SOX17: variants seen among roughly 807,000 people sequenced by gnomAD.
SOX17 encodes transcription factor SOX-17.
In SOX17, 4 loss-of-function variants were observed where a neutral mutation model predicts 16.0. The ratio of observed to expected loss-of-function variants is 0.25; its 90% CI spans 0.12 to 0.57. The LOEUF (loss-of-function observed/expected upper bound fraction) is 0.57. SOX17 is among the 20% of genes least tolerant of loss of function. The probability of loss-of-function intolerance (pLI) is 0.92; values close to 1 mark genes in which losing one functional copy is unlikely to be tolerated. For missense variants in SOX17, 633 were observed against 609.7 expected (o/e 1.04, Z -0.40); for synonymous variants, 357 against 284.6 (o/e 1.25, Z -2.56).
Position 54,460,777 on chromosome 8 carries a change from A to G in SOX17, c.*782A>G, listed in dbSNP as rs111351766. The G allele has an allele frequency of 5.9e-3, 1,347 of 227,980 alleles. 8 individuals are homozygous for G. The highest frequency in any genetic ancestry group is 0.026 in the Middle Eastern group (20 of 758). 14.1% of individuals were successfully genotyped at this position (227,980 alleles called of 1,614,324 possible). On this transcript the variant is annotated 3_prime_UTR_variant, in exon 2 of 2. Coordinates refer to ENST00000297316, the MANE Select transcript of SOX17 (RefSeq NM_022454.4). ...CATCTCTTTACACTCCTCGACATTC[A>G]GTTTACCTTAATCTTCACATTTTTA...
Position 54,459,685 on chromosome 8 carries a change from A to T in SOX17, c.935A>T (p.Gln312Leu). ...GGGGCGGGCGGCGGGCGCGGCTTCC[A>T]GATGCAGCCGCAACACCAGCACCAG... is the stretch of plus-strand genomic sequence containing the variant. ...SPGAGGGRGF[Q>L]MQPQHQHQHQ... Residue 312 changes from glutamine (Q) to leucine (L), a missense_variant, in exon 2 of 2, where the codon CAG becomes CTG. Gln to Leu is a moderately radical substitution (Grantham distance 113, BLOSUM62 -2). This residue lies in a region of SOX17 where 479 missense variants were observed against 397.2 expected (regional missense o/e 1.21). Transcript: ENST00000297316. 1 of 1,539,252 alleles carries T rather than the reference A, an allele frequency of 6.5e-7. No homozygotes were observed. The highest frequency in any genetic ancestry group is 8.7e-7 in the Non-Finnish European group (1 of 1,147,064).
chr8:54,458,928 T>A, intron 1 of SOX17, 130 bp from the exon 2 acceptor site: 4 of 801,444 alleles, frequency 5.0e-6, no homozygotes, highest in Non-Finnish European at 7.5e-6. Context: ...TCTCCCTCTT[T>A]AACTTCACCC....
rs1275383718 is a variant in SOX17, at chr8:54,460,666, T to C, written c.*671T>C. Reference sequence around the variant, plus strand: ...ATATCACTTTAAGTAGAAGGGGATGTCCAAGTAATTTTGGTTTTCTAACTG... The same window carrying C: ...ATATCACTTTAAGTAGAAGGGGATGCCCAAGTAATTTTGGTTTTCTAACTG... On this transcript the variant is annotated 3_prime_UTR_variant, in exon 2 of 2. Coordinates refer to ENST00000297316, the MANE Select transcript of SOX17 (RefSeq NM_022454.4). The C allele has an allele frequency of 4.3e-6, 1 of 230,382 alleles. No homozygotes were observed. Among genetic ancestry groups the C allele is most frequent in the Non-Finnish European group, 8.6e-6 (1 of 116,436 alleles). The allele number at this position is 230,382 out of a possible 1,614,324, so 14.3% of individuals were successfully genotyped here. A position where few individuals can be genotyped will look rare whatever the true frequency, so the allele number is the denominator to read the frequency against.
rs1367127921 is a variant in SOX17, at chr8:54,459,644, C to T, written c.894C>T (p.Gly298=). The change falls in exon 2 of 2, where the codon GGC becomes GGT. Residue 298 remains glycine (G), a synonymous_variant. Transcript: ENST00000297316. ...CCAGCGCCCTTCACGTGTACTACGGCGCGATGGGCTCGCCCGGGGCGGGCG... is the reference window on the plus strand; with the variant it reads ...CCAGCGCCCTTCACGTGTACTACGGTGCGATGGGCTCGCCCGGGGCGGGCG... ...APPSALHVYY[G]AMGSPGAGGG... is the part of the protein sequence containing the mutation. 8 of 1,537,068 alleles carry T rather than the reference C, an allele frequency of 5.2e-6. No homozygotes were observed. Among genetic ancestry groups the T allele is most frequent in the Non-Finnish European group, 7.0e-6 (8 of 1,146,470 alleles).
rs1207318982 is a variant in SOX17 at position 54,460,387 on chromosome 8, A to G, written c.*392A>G. 2.7e-6 allele frequency: 1 copy of G among 372,756 alleles called. No individual in the cohort carries two copies. The highest frequency in any genetic ancestry group is 4.6e-5 in the East Asian group (1 of 21,944). 23.1% of individuals were successfully genotyped at this position (372,756 alleles called of 1,614,324 possible). A position where few individuals can be genotyped will look rare whatever the true frequency, so the allele number is the denominator to read the frequency against. On this transcript the variant is annotated 3_prime_UTR_variant, in exon 2 of 2. Transcript: ENST00000297316. ...TGGAATCCTGCTTTTTTGCTCTACT[A>G]GTACCTCTGTCACACTAGTCTTATC... is the stretch of plus-strand genomic sequence containing the variant.
chr8:54,460,630 T>G lies in SOX17; in HGVS notation c.*635T>G, dbSNP rs1804727861. ...TTTCTAAAACTAACAGTTAATATTT[T>G]CAATTCCAGTATATCACTTTAAGTA... On this transcript the variant is annotated 3_prime_UTR_variant, in exon 2 of 2. Transcript: ENST00000297316. 8.6e-6 allele frequency: 2 copies of G among 232,474 alleles called. No individual in the cohort carries two copies. Among genetic ancestry groups the G allele is most frequent in the Non-Finnish European group, 1.7e-5 (2 of 117,848 alleles). 14.4% of individuals were successfully genotyped at this position (232,474 alleles called of 1,614,324 possible).
At position 54,460,664 on chromosome 8, in the gene SOX17, T is replaced by C; in HGVS notation, c.*669T>C. The C allele has an allele frequency of 4.3e-6, 1 of 230,620 alleles. No individual in the cohort carries two copies. 14.3% of individuals were successfully genotyped at this position (230,620 alleles called of 1,614,324 possible). The stretch of plus-strand genomic sequence containing the variant: ...GTATATCACTTTAAGTAGAAGGGGA[T>C]GTCCAAGTAATTTTGGTTTTCTAAC... On this transcript the variant is annotated 3_prime_UTR_variant, in exon 2 of 2. Transcript: ENST00000297316.
rs1385820053 is a variant in SOX17, at chr8:54,460,041, A to AC, written c.*47dup. The AC allele has an allele frequency of 6.3e-7, 1 of 1,598,606 alleles. No homozygotes were observed. The highest frequency in any genetic ancestry group is 1.3e-5 in the African/African-American group (1 of 74,628). On this transcript the variant is annotated 3_prime_UTR_variant, in exon 2 of 2. Coordinates refer to ENST00000297316, the MANE Select transcript of SOX17 (RefSeq NM_022454.4). ...GCCTGCAGGCCAGAAGCAGTGTTAC[A>AC]CACTTCCTGGAGGAGCTAAGGAAAT...
In SOX17 at chr8:54,458,208, A is replaced by G; in HGVS notation, c.70A>G (p.Met24Val). Residue 24 changes from methionine to valine, a missense_variant, in exon 1 of 2, where the codon ATG (methionine) becomes GTG (valine). By Grantham distance (21) the Met-to-Val change is conservative. Around this residue, in one of 5 missense-constraint regions of SOX17, gnomAD observed 94 missense variants for 98.7 expected, o/e 0.95. Transcript: ENST00000297316. ...GACCCAGAGCGCGCTGCCCGCGGTG[A>G]TGGCCGGGCTGGGCCCCTGCCCCTG... ...SQTQSALPAV[M>V]AGLGPCPWAE... is the part of the protein sequence containing the mutation. The G allele has an allele frequency of 6.3e-7, 1 of 1,593,684 alleles. No individual in the cohort carries two copies. The highest frequency in any genetic ancestry group is 8.5e-7 in the Non-Finnish European group (1 of 1,172,698).
chr8:54,458,011 CT>C lies in SOX17; in HGVS notation c.-126del. ...CGACAGGCCAGAACACGGGCGGCGGCTTCGGGCCGGGAGACCCGCGCAGCCC... is the reference window on the plus strand; with the variant it reads ...CGACAGGCCAGAACACGGGCGGCGGCTCGGGCCGGGAGACCCGCGCAGCCC... On this transcript the variant is annotated 5_prime_UTR_variant, in exon 1 of 2. Transcript: ENST00000297316. 1 of 1,162,584 alleles carries C rather than the reference CT, an allele frequency of 8.6e-7. No individual in the cohort carries two copies. The highest frequency in any genetic ancestry group is 1.8e-5 in the South Asian group (1 of 56,996). 72.0% of individuals were successfully genotyped at this position (1,162,584 alleles called of 1,614,324 possible). A position where few individuals can be genotyped will look rare whatever the true frequency, so the allele number is the denominator to read the frequency against.
Position 54,458,444 on chromosome 8 carries a change from G to C in SOX17, c.306G>C (p.Leu102=), listed in dbSNP as rs1260876732. 7 of 1,612,738 alleles carry C rather than the reference G, an allele frequency of 4.3e-6. No homozygotes were observed. Among genetic ancestry groups the C allele is most frequent in the Non-Finnish European group, 4.2e-6 (5 of 1,179,924 alleles). Residue 102 remains leucine, a splice_region_variant and synonymous_variant, in exon 1 of 2, where the codon CTG becomes CTC. Coordinates refer to ENST00000297316, the MANE Select transcript of SOX17 (RefSeq NM_022454.4). ...ACAACGCCGAGTTGAGCAAGATGCT[G>C]GGTGAGTCCGAGTCGCAGACCCAGG... The part of the protein sequence containing the change: ...DLHNAELSKM[L]GKSWKALTLA...
rs993427177 is a variant in SOX17 at position 54,460,202 on chromosome 8, G to T, written c.*207G>T. 1.6e-6 allele frequency: 1 copy of T among 621,756 alleles called. No homozygotes were observed. The highest frequency in any genetic ancestry group is 2.7e-5 in the East Asian group (1 of 36,456). 38.5% of individuals were successfully genotyped at this position (621,756 alleles called of 1,614,324 possible). A position where few individuals can be genotyped will look rare whatever the true frequency, so the allele number is the denominator to read the frequency against. ...AGGTTTCATTTAAAATTTGTTCAGA[G>T]ATTTGTTTCCCATAGTTGGATTGTC... On this transcript the variant is annotated 3_prime_UTR_variant, in exon 2 of 2. Transcript: ENST00000297316.
In SOX17 at chr8:54,459,422, G is replaced by A. The variant is rs1181121448; in HGVS notation, c.672G>A (p.Thr224=). The change falls in exon 2 of 2, where the codon ACG becomes ACA. Residue 224 remains threonine, a synonymous_variant. Transcript: ENST00000297316. ...GCTACCCGTTGCCCACGCCCGACAC[G>A]TCCCCGCTGGACGGCGTGGACCCCG... ...LDGYPLPTPD[T]SPLDGVDPDP... 12 of 1,535,098 alleles carry A rather than the reference G, an allele frequency of 7.8e-6. No homozygotes were observed. Among genetic ancestry groups the A allele is most frequent in the Non-Finnish European group, 1.0e-5 (12 of 1,149,988 alleles).
Position 54,459,740 on chromosome 8 carries a change from C to A in SOX17, c.990C>A (p.Pro330=). ...QHQHQHHPPG[P]GQPSPPPEAL... is the part of the protein sequence containing the mutation. ...AGCACCAGCACCACCCCCCGGGCCC[C>A]GGACAGCCGTCGCCCCCTCCGGAGG... The change falls in exon 2 of 2, where the codon CCC becomes CCA. Residue 330 remains proline, a synonymous_variant. Transcript: ENST00000297316. 1.3e-6 allele frequency: 2 copies of A among 1,566,546 alleles called. No homozygotes were observed. Among genetic ancestry groups the A allele is most frequent in the East Asian group, 2.4e-5 (1 of 41,890 alleles).
chr8:54,458,533 G>A, intron 1 of SOX17, 88 bp downstream of exon 1: 2 of 1,508,542 alleles, frequency 1.3e-6, no homozygotes, highest in Non-Finnish European at 9.0e-7. Flanking sequence ...TTCTTTGCGA[G>A]CCTGACGCCC....
At position 54,460,746 on chromosome 8, in the gene SOX17, T is replaced by C. The variant is rs1804729771; in HGVS notation, c.*751T>C. 4.4e-6 allele frequency: 1 copy of C among 228,030 alleles called. No homozygotes were observed. The highest frequency in any genetic ancestry group is 2.2e-5 in the African/African-American group (1 of 45,058). The allele number at this position is 228,030 out of a possible 1,614,324, so 14.1% of individuals were successfully genotyped here. ...GGCTTTTTGGATGTTTTTATCTGTG[T>C]TTTGCCATCTCTTTACACTCCTCGA... On this transcript the variant is annotated 3_prime_UTR_variant, in exon 2 of 2. Coordinates refer to ENST00000297316, the MANE Select transcript of SOX17 (RefSeq NM_022454.4).
Position 54,459,505 on chromosome 8 carries a change from G to A in SOX17, c.755G>A (p.Ser252Asn), listed in dbSNP as rs1173298125. 5 of 1,528,146 alleles carry A rather than the reference G, an allele frequency of 3.3e-6. No individual in the cohort carries two copies. Among genetic ancestry groups the A allele is most frequent in the Admixed American group, 2.0e-5 (1 of 50,630 alleles). 94.7% of individuals were successfully genotyped at this position (1,528,146 alleles called of 1,614,324 possible). A position where few individuals can be genotyped will look rare whatever the true frequency, so the allele number is the denominator to read the frequency against. Residue 252 changes from serine (S) to asparagine (N), a missense_variant, in exon 2 of 2, where the codon AGC becomes AAC. Around this residue, in one of 5 missense-constraint regions of SOX17, gnomAD observed 479 missense variants for 397.2 expected, o/e 1.21. Transcript: ENST00000297316. ...GACTGCCCGGCGGCCGGCACCTACA[G>A]CTACGCGCAGGTCTCGGACTACGCT... ...PGDCPAAGTY[S>N]YAQVSDYAGP... is the part of the protein sequence containing the mutation.
chr8:54,458,673 G>T (rs1298310057), intron 1 of SOX17, among the ~76,000 whole-genome samples: 3 of 152,226 alleles, frequency 2.0e-5, no homozygotes, highest in Non-Finnish European at 4.4e-5. Context: ...AGGTGGCCGG[G>T]GGCGCGGGTC....
At position 54,457,954 on chromosome 8, in the gene SOX17, T is replaced by C. The variant is rs1804660218; in HGVS notation, c.-185T>C. Reference sequence around the variant, plus strand: ...GCGCCCGCAGTGTCACTAGGCCGGCTGGGGGCCCTGGGTACGCTGTAGACC... The same window carrying C: ...GCGCCCGCAGTGTCACTAGGCCGGCCGGGGGCCCTGGGTACGCTGTAGACC... On this transcript the variant is annotated 5_prime_UTR_variant, in exon 1 of 2. Transcript: ENST00000297316. The C allele has an allele frequency of 1.5e-6, 1 of 679,554 alleles. No individual in the cohort carries two copies. 42.1% of individuals were successfully genotyped at this position (679,554 alleles called of 1,614,324 possible).
Sources: gnomAD v4.1 joint callset for allele counts (sites outside exome capture counted in the v4.1 genomes callset) on GRCh38, gnomAD v4.1.1 for gene constraint, gnomAD v4.1.1 regional missense constraint, MANE v1.5 for transcripts, NCBI Gene and HGNC (gene_info 2026-07-23, HGNC 2026-07-21) for gene names.